PACRG: variants seen among roughly 807,000 people sequenced by gnomAD.
PACRG encodes parkin coregulated gene protein.
Under a neutral mutation model 29.7 loss-of-function variants are expected in PACRG, and 29 were observed. That is an observed-to-expected ratio of 0.98 (90% confidence interval 0.73 to 1.33). PACRG has a LOEUF of 1.33. Ranked by LOEUF, PACRG falls within the 40% of genes most tolerant of loss-of-function variation. The pLI is 0.00. For missense variants in PACRG, 279 were observed against 316.2 expected, an observed-to-expected ratio of 0.88 and a Z score of 0.89; for synonymous variants, 116 against 118.7, an observed-to-expected ratio of 0.98 and a Z score of 0.15.
At chr6:162,911,284 G>C (rs1402956630) in intron 2 of PACRG, among the ~76,000 whole-genome samples, 2 of 152,126 alleles carry the variant, frequency 1.3e-5, no homozygotes, top group Non-Finnish European at 1.5e-5. Context: ...TACCACTCAG[G>C]TACATGTACA....
chr6:163,192,301 C>T (rs1434037843), intron 4 of PACRG, among the ~76,000 whole-genome samples: 3 of 152,178 alleles, frequency 2.0e-5, no homozygotes, highest in Non-Finnish European at 4.4e-5. Flanking sequence ...CCCTTGTTGA[C>T]TGTTTTGTAT....
At chr6:163,204,494 C>T (rs1780822690) in intron 4 of PACRG, among the ~76,000 whole-genome samples, 1 of 152,180 alleles carries the variant, frequency 6.6e-6, no homozygotes, top group Non-Finnish European at 1.5e-5. Flanking sequence ...TCCTTGTCCT[C>T]TTTCTCTTCT....
chr6:162,770,632 G>A (rs1474518612), intron 1 of PACRG, among the ~76,000 whole-genome samples: 3 of 152,044 alleles, frequency 2.0e-5, no homozygotes, highest in South Asian at 4.1e-4. Flanking sequence ...TTTGATTATT[G>A]TTATATACAC....
At chr6:163,282,722 A>G (rs1363820941) in intron 4 of PACRG, among the ~76,000 whole-genome samples, 1 of 152,138 alleles carries the variant, frequency 6.6e-6, no homozygotes, top group East Asian at 1.9e-4. Context: ...CAAAAAAAAA[A>G]AAAAAAGAAA....
intron 1 of PACRG, among the ~76,000 whole-genome samples, chr6:162,780,316 A>C (rs1562589577): frequency 6.6e-6 from 1 of 152,234 alleles, no homozygotes; most frequent in Non-Finnish European, 1.5e-5. Flanking sequence ...GGACCACCTA[A>C]CAAAGCTTAA....
chr6:163,305,007 TG>T (rs1477096659), intron 4 of PACRG, among the ~76,000 whole-genome samples: 1 of 151,878 alleles, frequency 6.6e-6, no homozygotes, highest in Non-Finnish European at 1.5e-5. Flanking sequence ...GGAACTGGAG[TG>T]GGAGGCCTGG....
intron 1 of PACRG, among the ~76,000 whole-genome samples, chr6:162,744,254 A>G (rs1244519784): frequency 6.6e-6 from 1 of 152,194 alleles, no homozygotes. Flanking sequence ...GGATCATTAA[A>G]TGCAGATCAT....
rs138836404 is a variant in PACRG, at chr6:162,903,647, C to T, written c.291+89366C>T. Among the ~76,000 whole-genome samples the T allele has an allele frequency of 6.1e-3, 929 of 152,312 alleles. 11 individuals carry two copies. The highest frequency in any genetic ancestry group is 0.021 in the African/African-American group (885 of 41,550). On this transcript the variant is annotated intron_variant, in intron 2 of 4. Coordinates refer to ENST00000366888, the MANE Select transcript of PACRG (RefSeq NM_001080379.2). ...GAGTCAGTTATCTCCCACTGGGTCC[C>T]TCCCTCAACATGTGGAAATTATGGG...
At chr6:163,031,559 T>C (rs1316339347) in intron 2 of PACRG, among the ~76,000 whole-genome samples, 1 of 152,256 alleles carries the variant, frequency 6.6e-6, no homozygotes, top group African/African-American at 2.4e-5. Flanking sequence ...TTCCCATTTT[T>C]ACTAAAGACA....
intron 2 of PACRG, 74 bp downstream of exon 2, chr6:162,814,355 C>T: frequency 6.5e-7 from 1 of 1,542,230 alleles, no homozygotes; most frequent in Non-Finnish European, 8.8e-7. Flanking sequence ...ACACACTTGG[C>T]TGCTTAAGTA....
chr6:163,229,872 G>T (rs1486431248), intron 4 of PACRG, among the ~76,000 whole-genome samples: 1 of 152,206 alleles, frequency 6.6e-6, no homozygotes. Flanking sequence ...GACAGCAGAG[G>T]TCAATTTCAG....
chr6:162,814,796 G>T (rs116334867), intron 2 of PACRG, among the ~76,000 whole-genome samples: 3,067 of 152,284 alleles, frequency 0.02, 103 homozygotes, highest in African/African-American at 0.068. Context: ...CAAGCGCGAT[G>T]GCTGTCACAC....
intron 1 of PACRG, among the ~76,000 whole-genome samples, chr6:162,775,347 G>C (rs1441095381): frequency 6.6e-6 from 1 of 152,150 alleles, no homozygotes; most frequent in East Asian, 1.9e-4. Flanking sequence ...GTCTACATTT[G>C]ACCTCTGTGC....
At position 163,032,523 on chromosome 6, in the gene PACRG, A is replaced by T. The variant is rs576296633; in HGVS notation, c.292-29627A>T. On this transcript the variant is annotated intron_variant, in intron 2 of 4. Coordinates refer to ENST00000366888, the MANE Select transcript of PACRG (RefSeq NM_001080379.2). Reference sequence around the variant, plus strand: ...CAGTCAAAAACACGATTAACAAAGAAATTTGGTTACCTTTGTGGCATACAA... The same window carrying T: ...CAGTCAAAAACACGATTAACAAAGATATTTGGTTACCTTTGTGGCATACAA... Among the ~76,000 whole-genome samples the T allele has an allele frequency of 3.5e-4, 54 of 152,336 alleles. 1 individual carries two copies. In the South Asian group the frequency reaches 0.011, roughly 32 times the overall value.
intron 4 of PACRG, among the ~76,000 whole-genome samples, chr6:163,264,851 T>C (rs911688697): frequency 2.6e-5 from 4 of 152,102 alleles, no homozygotes; most frequent in Non-Finnish European, 5.9e-5. Flanking sequence ...GAAAAACAGG[T>C]TAAGAAACGA....
intron 4 of PACRG, among the ~76,000 whole-genome samples, chr6:163,145,699 A>C (rs933355228): frequency 6.6e-6 from 1 of 152,204 alleles, no homozygotes; most frequent in African/African-American, 2.4e-5. Flanking sequence ...TGGAGCGGTT[A>C]ATCCATCCTC....
At chr6:163,179,242 C>A (rs1292747265) in intron 4 of PACRG, 5 of 455,854 alleles carry the variant, frequency 1.1e-5, no homozygotes, top group African/African-American at 6.0e-5. Flanking sequence ...GGTTCTCCTG[C>A]CAACAAGCGA....
At chr6:163,245,244 C>T (rs915172937) in intron 4 of PACRG, 4 of 226,028 alleles carry the variant, frequency 1.8e-5, no homozygotes, top group African/African-American at 2.3e-5. Context: ...AGTCTACTTT[C>T]GCGGCACTTT....
intron 2 of PACRG, among the ~76,000 whole-genome samples, chr6:162,897,040 A>C (rs1795221181): frequency 6.6e-6 from 1 of 152,204 alleles, no homozygotes; most frequent in African/African-American, 2.4e-5. Flanking sequence ...TAATCTGCCA[A>C]TGAGCCCCTA....
Sources: allele counts gnomAD v4.1 joint callset (sites outside exome capture counted in the v4.1 genomes callset), GRCh38; gene constraint gnomAD v4.1.1; transcripts MANE v1.5; gene names NCBI Gene and HGNC (gene_info 2026-07-23, HGNC 2026-07-21).